The following MSR1 variants were observed in gnomAD, a reference collection of about 807,000 sequenced individuals.
MSR1 encodes macrophage scavenger receptor 1.
In MSR1, 53 loss-of-function variants were observed where a neutral mutation model predicts 47.2. The observed-to-expected ratio is 1.12, with a 90% CI of 0.90 to 1.41. The LOEUF is 1.41. Among genes scored for constraint, MSR1 ranks in the 40% most tolerant of loss-of-function variants. The pLI is 0.00. For synonymous variants in MSR1, 239 were observed against 185.6 expected (o/e 1.29, Z -2.34); for missense variants, 786 against 546.9 (o/e 1.44, Z -4.36).
intron 9 of MSR1, among the ~76,000 whole-genome samples, chr8:16,119,610 C>T (rs371308257): frequency 1.2e-4 from 19 of 152,164 alleles, no homozygotes; most frequent in South Asian, 4.2e-4. Flanking sequence ...TAACACAATG[C>T]GTGGCATATA....
intron 6 of MSR1, among the ~76,000 whole-genome samples, chr8:16,153,302 C>T (rs1291363060): frequency 6.6e-6 from 1 of 151,928 alleles, no homozygotes; most frequent in African/African-American, 2.4e-5. Flanking sequence ...GGTGGAGAAA[C>T]GAACAGAATG....
intron 7 of MSR1, among the ~76,000 whole-genome samples, chr8:16,149,828 C>CT (rs961516464): frequency 4.6e-5 from 7 of 151,084 alleles, no homozygotes; most frequent in Non-Finnish European, 5.9e-5. Flanking sequence ...CACTTTGCTT[C>CT]TTTTTTTTTC....
rs759828122 is a variant in MSR1 at position 16,110,077 on chromosome 8, A to G, written c.*8T>C. On this transcript the variant is annotated 3_prime_UTR_variant, in exon 10 of 10. Coordinates refer to ENST00000262101, the MANE Select transcript of MSR1 (RefSeq NM_138715.3). ...CGATTTCATAGTTGTGAATGAAAAT[A>G]TGATGCATTATAAAGTGCAAGTGAC... 11 of 1,613,422 alleles carry G rather than the reference A, an allele frequency of 6.8e-6. No homozygotes were observed. The highest frequency in any genetic ancestry group is 9.3e-6 in the Non-Finnish European group (11 of 1,179,548).
chr8:16,129,729 C>A (rs757863228), intron 8 of MSR1, among the ~76,000 whole-genome samples: 34 of 151,718 alleles, frequency 2.2e-4, no homozygotes, highest in Non-Finnish European at 2.9e-5. Context: ...GCCTGGGTCA[C>A]AGAAAGAGAC....
chr8:16,140,059 T>G (rs1384390629), intron 8 of MSR1: 6 of 896,468 alleles, frequency 6.7e-6, no homozygotes, highest in Non-Finnish European at 8.0e-6. Context: ...GTCCAGCTCA[T>G]GGAGGTACAT....
chr8:16,115,265 G>C (rs1282493174), intron 9 of MSR1, among the ~76,000 whole-genome samples: 2 of 152,150 alleles, frequency 1.3e-5, no homozygotes, highest in African/African-American at 4.8e-5. Flanking sequence ...TTTCCTAAGA[G>C]AAGGATAAAT....
At chr8:16,188,957 A>G (rs965330183) in intron 1 of MSR1, among the ~76,000 whole-genome samples, 1 of 82,428 alleles carries the variant, frequency 1.2e-5, no homozygotes, top group Non-Finnish European at 2.1e-5. Flanking sequence ...CTAATAATTC[A>G]ACACACATAC....
At chr8:16,142,876 G>T (rs1038099529) in intron 8 of MSR1, among the ~76,000 whole-genome samples, 5 of 151,992 alleles carry the variant, frequency 3.3e-5, no homozygotes, top group African/African-American at 4.8e-5. Flanking sequence ...GTTAAGTGGG[G>T]ATTCCACACT....
At chr8:16,176,483 G>C (rs1801650691) in intron 2 of MSR1, among the ~76,000 whole-genome samples, 1 of 148,004 alleles carries the variant, frequency 6.8e-6, no homozygotes, top group South Asian at 2.1e-4. Context: ...CTCCAGCCTA[G>C]GTGAAAAAGT....
At chr8:16,152,970 A>T (rs918314553) in intron 6 of MSR1, among the ~76,000 whole-genome samples, 8 of 152,106 alleles carry the variant, frequency 5.3e-5, no homozygotes, top group African/African-American at 1.9e-4. Context: ...AGCCCTCTAA[A>T]ATAAATTTGT....
At chr8:16,140,244 C>T in intron 8 of MSR1, 1 of 984,254 alleles carries the variant, frequency 1.0e-6, no homozygotes, top group Non-Finnish European at 1.2e-6. Flanking sequence ...TGCGTGTAGT[C>T]CAGCCTGTGC....
intron 8 of MSR1, chr8:16,120,839 A>G (rs1404180903): frequency 1.8e-6 from 1 of 564,830 alleles, no homozygotes; most frequent in Non-Finnish European, 3.1e-6. Flanking sequence ...AATCTGTCTT[A>G]CATGTAAGTT....
At chr8:16,150,140 G>GTGTATATATATATATATATATATATA (rs1402495981) in intron 7 of MSR1, 91 bp downstream of exon 7, 1 of 172,634 alleles carries the variant, frequency 5.8e-6, no homozygotes, top group African/African-American at 3.1e-5. Flanking sequence ...GTGTGTGTGT[G>GTGTATATATATATATATATATATATA]TATATATATA....
intron 1 of MSR1, among the ~76,000 whole-genome samples, chr8:16,181,312 C>T (rs2117220404): frequency 6.6e-6 from 1 of 152,258 alleles, no homozygotes; most frequent in Non-Finnish European, 1.5e-5. Flanking sequence ...ACCCCACCAA[C>T]AGTGTAAAAG....
At chr8:16,132,035 G>T in intron 8 of MSR1, among the ~76,000 whole-genome samples, 1 of 151,732 alleles carries the variant, frequency 6.6e-6, no homozygotes, top group Non-Finnish European at 1.5e-5. Context: ...AATGTCATTG[G>T]TAGTTTGAGA....
At chr8:16,140,842 A>C in intron 8 of MSR1, 1 of 1,569,360 alleles carries the variant, frequency 6.4e-7, no homozygotes, top group Non-Finnish European at 8.6e-7. Flanking sequence ...AGGGACCAGG[A>C]GAGAAGGCCA....
intron 8 of MSR1, among the ~76,000 whole-genome samples, chr8:16,124,201 A>G (rs186651782): frequency 5.3e-4 from 80 of 152,292 alleles, no homozygotes; most frequent in African/African-American, 1.7e-3. Context: ...TTGCATGAAC[A>G]TGGCATTCCC....
At chr8:16,154,974 A>T (rs974479284) in intron 6 of MSR1, 90 bp downstream of exon 6, 1 of 1,081,924 alleles carries the variant, frequency 9.2e-7, no homozygotes, top group African/African-American at 1.5e-5. Flanking sequence ...TGCAGGATAT[A>T]AATAAAATAG....
chr8:16,132,137 A>AT (rs1386553614), intron 8 of MSR1, among the ~76,000 whole-genome samples: 2 of 151,100 alleles, frequency 1.3e-5, no homozygotes, highest in East Asian at 2.0e-4. Context: ...ATGTTTTTCT[A>AT]TTTTTTTGTG....
Sources: gnomAD v4.1 joint callset for allele counts (sites outside exome capture counted in the v4.1 genomes callset) on GRCh38, gnomAD v4.1.1 for gene constraint, MANE v1.5 for transcripts, NCBI Gene and HGNC (gene_info 2026-07-23, HGNC 2026-07-21) for gene names.